The following TCF12 variants were observed in gnomAD, a reference collection of about 807,000 sequenced individuals.
TCF12 encodes DNA-binding protein HTF4.
Under a neutral mutation model 86.0 loss-of-function variants are expected in TCF12, and 45 were observed. The observed-to-expected ratio is 0.52, with a 90% CI of 0.41 to 0.67. The LOEUF (loss-of-function observed/expected upper bound fraction) is 0.67. Ranked by LOEUF, TCF12 falls within the 30% of genes least tolerant of loss-of-function variation. The pLI is 0.00. For missense variants in TCF12, 881 were observed against 859.9 expected (o/e 1.02, Z -0.31); for synonymous variants, 330 against 299.6 (o/e 1.10, Z -1.05).
intron 4 of TCF12, 144 bp downstream of exon 4, chr15:57,063,967 TTTAG>T: frequency 1.6e-6 from 1 of 638,538 alleles, no homozygotes; most frequent in Admixed American, 2.8e-5. Context: ...TTTTGTTACA[TTTAG>T]TTCTTTTTAT....
intron 5 of TCF12, among the ~76,000 whole-genome samples, chr15:57,157,788 C>T (rs1404321225): frequency 1.3e-5 from 2 of 151,988 alleles, no homozygotes; most frequent in Non-Finnish European, 2.9e-5. Context: ...GTCTTGAACT[C>T]CTGACCTCAG....
rs544067571 is a variant in TCF12 at position 56,919,790 on chromosome 15, G to T, written c.-22-102G>T. 3.0e-6 allele frequency: 3 copies of T among 1,007,546 alleles called. No individual in the cohort carries two copies. In the East Asian group the frequency reaches 8.4e-5, roughly 28 times the overall value. 62.4% of individuals were successfully genotyped at this position (1,007,546 alleles called of 1,614,324 possible). On this transcript the variant is annotated intron_variant, in intron 1 of 20. Transcript: ENST00000333725. ...TCGGGGTCCTGGAAGTCATCCCGGC[G>T]CCCCCAGCGCTCTTGCGTAATCTTC...
chr15:57,007,877 CCTT>C, intron 3 of TCF12, among the ~76,000 whole-genome samples: 2 of 84,402 alleles, frequency 2.4e-5, no homozygotes, highest in African/African-American at 9.4e-5. Context: ...TTCCTTCCTT[CCTT>C]CCTTCCTTCC....
rs562632082 is a variant in TCF12, at chr15:57,224,827, T to A, written c.580-6325T>A. Among the ~76,000 whole-genome samples the A allele has an allele frequency of 1.5e-3, 227 of 152,304 alleles. 1 individual carries two copies. The highest frequency in any genetic ancestry group is 5.1e-3 in the African/African-American group (212 of 41,572). On this transcript the variant is annotated intron_variant, in intron 8 of 20. Transcript: ENST00000333725. ...GATGGCTTGTATGTGCCTGAGTCAG[T>A]CTTTGTACTTCAGACGTTTTGCTTT...
intron 3 of TCF12, among the ~76,000 whole-genome samples, chr15:56,996,466 C>G (rs2063719518): frequency 6.6e-6 from 1 of 152,124 alleles, no homozygotes; most frequent in Admixed American, 6.5e-5. Flanking sequence ...AAACTAGACC[C>G]CTACCTATCA....
chr15:57,183,122 A>C (rs2056456879), intron 6 of TCF12, among the ~76,000 whole-genome samples: 1 of 152,144 alleles, frequency 6.6e-6, no homozygotes, highest in African/African-American at 2.4e-5. Context: ...TCAATATTTT[A>C]TTCTTCTTTG....
chr15:57,240,370 G>C (rs1185686776), intron 12 of TCF12, among the ~76,000 whole-genome samples: 1 of 152,182 alleles, frequency 6.6e-6, no homozygotes, highest in Non-Finnish European at 1.5e-5. Context: ...GAAGGAGTAT[G>C]TAACAGAAAA....
At chr15:57,125,888 G>A (rs1204441960) in intron 5 of TCF12, among the ~76,000 whole-genome samples, 2 of 152,132 alleles carry the variant, frequency 1.3e-5, no homozygotes. Flanking sequence ...AGTGAATATG[G>A]TATTTTATAA....
intron 5 of TCF12, among the ~76,000 whole-genome samples, chr15:57,110,619 A>G (rs148051509): frequency 8.7e-4 from 133 of 152,332 alleles, no homozygotes; most frequent in African/African-American, 2.8e-3. Context: ...ATGCAAGAGT[A>G]GTAATGAAGG....
At chr15:56,989,102 A>G (rs2063326783) in intron 3 of TCF12, among the ~76,000 whole-genome samples, 1 of 152,146 alleles carries the variant, frequency 6.6e-6, no homozygotes, top group Non-Finnish European at 1.5e-5. Context: ...TTGATTTCCT[A>G]GCTTTTTTCT....
At chr15:57,200,264 T>C (rs1202157045) in intron 8 of TCF12, among the ~76,000 whole-genome samples, 5 of 152,074 alleles carry the variant, frequency 3.3e-5, no homozygotes, top group Non-Finnish European at 7.3e-5. Flanking sequence ...TGAAAAGATT[T>C]TAAAAGAAAA....
chr15:57,168,243 A>AT (rs1360763358), intron 6 of TCF12, among the ~76,000 whole-genome samples: 2 of 152,198 alleles, frequency 1.3e-5, no homozygotes, highest in Non-Finnish European at 2.9e-5. Context: ...CAGGGCTTCC[A>AT]TTTTTTTAAA....
chr15:57,182,226 T>C (rs1158293167), intron 6 of TCF12, among the ~76,000 whole-genome samples: 1 of 152,046 alleles, frequency 6.6e-6, no homozygotes, highest in African/African-American at 2.4e-5. Flanking sequence ...GATACCTAAT[T>C]TTATTTTAGG....
chr15:57,110,111 T>G (rs2050389098), intron 5 of TCF12, among the ~76,000 whole-genome samples: 2 of 152,224 alleles, frequency 1.3e-5, no homozygotes, highest in Non-Finnish European at 1.5e-5. Flanking sequence ...TCAGCATGCA[T>G]TCTCATGATA....
intron 16 of TCF12, among the ~76,000 whole-genome samples, chr15:57,256,960 T>C (rs1193375666): frequency 6.6e-6 from 1 of 152,238 alleles, no homozygotes; most frequent in Non-Finnish European, 1.5e-5. Context: ...GGGTTTGATA[T>C]GCTTTTTCTA....
At chr15:57,248,584 A>G (rs1018283231) in intron 13 of TCF12, among the ~76,000 whole-genome samples, 22 of 152,332 alleles carry the variant, frequency 1.4e-4, no homozygotes, top group African/African-American at 5.1e-4. Context: ...AAGGAGAGAA[A>G]GAGAAATTCT....
chr15:57,050,298 C>A (rs1158436472), intron 3 of TCF12, among the ~76,000 whole-genome samples: 1 of 151,868 alleles, frequency 6.6e-6, no homozygotes, highest in Non-Finnish European at 1.5e-5. Flanking sequence ...TATTATTTTC[C>A]TTCAGCCTAA....
intron 3 of TCF12, among the ~76,000 whole-genome samples, chr15:57,021,838 G>C (rs1431963022): frequency 6.6e-6 from 1 of 151,874 alleles, no homozygotes; most frequent in Admixed American, 6.6e-5. Context: ...TCCTATAGGC[G>C]GGTTCCACAG....
chr15:57,138,873 A>C (rs2052752738), intron 5 of TCF12, among the ~76,000 whole-genome samples: 1 of 152,208 alleles, frequency 6.6e-6, no homozygotes, highest in Admixed American at 6.5e-5. Flanking sequence ...CTAAATGATC[A>C]AAATTTTAGG....
Sources: gnomAD v4.1 joint callset for allele counts (sites outside exome capture counted in the v4.1 genomes callset) on GRCh38, gnomAD v4.1.1 for gene constraint, MANE v1.5 for transcripts, NCBI Gene and HGNC (gene_info 2026-07-23, HGNC 2026-07-21) for gene names.